Variants in HS6ST3 observed in about 807,000 individuals in gnomAD.
HS6ST3 encodes the protein heparan-sulfate 6-O-sulfotransferase 3.
A neutral mutation model predicts 36.7 loss-of-function variants in HS6ST3; 12 were observed. That is an observed-to-expected ratio of 0.33 (90% CI 0.21 to 0.53). The LOEUF is 0.53. HS6ST3 is among the 20% of genes least tolerant of loss of function. The pLI, the probability that HS6ST3 is intolerant of heterozygous loss-of-function variation, is 0.95. For missense variants in HS6ST3, 584 were observed against 640.9 expected (o/e 0.91, Z 0.96); for synonymous variants, 240 against 257.5 (o/e 0.93, Z 0.65).
chr13:96,567,860 A>G (rs1430715145), intron 1 of HS6ST3, among the ~76,000 whole-genome samples: 1 of 152,218 alleles, frequency 6.6e-6, no homozygotes, highest in Non-Finnish European at 1.5e-5. Flanking sequence ...TGGCCTACAA[A>G]CAGATAAGAA....
At chr13:96,443,186 A>AT (rs201564288) in intron 1 of HS6ST3, among the ~76,000 whole-genome samples, 7 of 151,990 alleles carry the variant, frequency 4.6e-5, no homozygotes, top group South Asian at 4.2e-4. Flanking sequence ...TTGAAAAATG[A>AT]TTTTTTTTGT....
chr13:96,547,619 T>C (rs2056202529), intron 1 of HS6ST3, among the ~76,000 whole-genome samples: 1 of 152,182 alleles, frequency 6.6e-6, no homozygotes, highest in South Asian at 2.1e-4. Context: ...GAATTTGGCT[T>C]AGGTATTTCT....
At chr13:96,434,473 C>A (rs1458527565) in intron 1 of HS6ST3, among the ~76,000 whole-genome samples, 1 of 152,164 alleles carries the variant, frequency 6.6e-6, no homozygotes, top group Non-Finnish European at 1.5e-5. Context: ...CCCTGCAGGC[C>A]CCTTGCCCTT....
At chr13:96,831,517 T>C (rs1878780785) in intron 1 of HS6ST3, among the ~76,000 whole-genome samples, 1 of 152,192 alleles carries the variant, frequency 6.6e-6, no homozygotes, top group Non-Finnish European at 1.5e-5. Flanking sequence ...CAAAGTTGTC[T>C]TGAGGATCAT....
intron 1 of HS6ST3, among the ~76,000 whole-genome samples, chr13:96,542,260 T>G (rs2056181438): frequency 6.6e-6 from 1 of 152,206 alleles, no homozygotes; most frequent in Non-Finnish European, 1.5e-5. Flanking sequence ...AGATAGAGTT[T>G]AGCTTTATTC....
At chr13:96,300,290 C>T (rs997505602) in intron 1 of HS6ST3, among the ~76,000 whole-genome samples, 3 of 151,846 alleles carry the variant, frequency 2.0e-5, no homozygotes, top group Admixed American at 6.6e-5. Flanking sequence ...CTCTTGACCT[C>T]AGGTGATCCA....
chr13:96,226,707 A>G (rs1308634095), intron 1 of HS6ST3, among the ~76,000 whole-genome samples: 1 of 152,200 alleles, frequency 6.6e-6, no homozygotes, highest in Non-Finnish European at 1.5e-5. Context: ...GTTTAAGTAA[A>G]TAAAATGGCA....
intron 1 of HS6ST3, among the ~76,000 whole-genome samples, chr13:96,619,802 G>T (rs1240597756): frequency 1.3e-5 from 2 of 152,178 alleles, no homozygotes; most frequent in Non-Finnish European, 2.9e-5. Context: ...ATATTCTACA[G>T]TAATGGCACA....
At position 96,316,892 on chromosome 13, in the gene HS6ST3, G is replaced by A. The variant is rs183512718; in HGVS notation, c.707+225323G>A. ...TTTTTATTTACTATTTTGTGTTTGC[G>A]TAGAAATGATTTTTGTTTATTCTAT... On this transcript the variant is annotated intron_variant, in intron 1 of 1. Transcript: ENST00000376705. Among the ~76,000 whole-genome samples the A allele has an allele frequency of 1.6e-3, 239 of 152,156 alleles. 1 individual carries two copies. Among genetic ancestry groups the A allele is most frequent in the Non-Finnish European group, 2.2e-3 (147 of 67,990 alleles).
intron 1 of HS6ST3, among the ~76,000 whole-genome samples, chr13:96,631,463 A>G (rs2056531859): frequency 6.6e-6 from 1 of 152,230 alleles, no homozygotes; most frequent in African/African-American, 2.4e-5. Context: ...ACTTTGTCCA[A>G]TAGCTTTCAA....
intron 1 of HS6ST3, among the ~76,000 whole-genome samples, chr13:96,770,074 C>T (rs564410306): frequency 3.4e-4 from 52 of 152,268 alleles, no homozygotes; most frequent in African/African-American, 1.2e-3. Flanking sequence ...GGATAAACAA[C>T]ATTATACCAG....
At chr13:96,103,559 A>G (rs770114984) in intron 1 of HS6ST3, among the ~76,000 whole-genome samples, 7 of 152,312 alleles carry the variant, frequency 4.6e-5, no homozygotes, top group South Asian at 2.1e-4. Context: ...TGTGTGCCCT[A>G]TATCCTGTTT....
intron 1 of HS6ST3, among the ~76,000 whole-genome samples, chr13:96,223,984 C>G (rs184494631): frequency 6.6e-6 from 1 of 151,974 alleles, no homozygotes; most frequent in African/African-American, 2.4e-5. Context: ...CCTCTTCTTC[C>G]TTTCCCTCCC....
chr13:96,651,043 T>C (rs1194485091), intron 1 of HS6ST3, among the ~76,000 whole-genome samples: 1 of 152,082 alleles, frequency 6.6e-6, no homozygotes, highest in African/African-American at 2.4e-5. Flanking sequence ...CCAAATCCTT[T>C]AATACCTCCC....
intron 1 of HS6ST3, among the ~76,000 whole-genome samples, chr13:96,119,223 A>C (rs910027362): frequency 6.6e-6 from 1 of 152,074 alleles, no homozygotes; most frequent in African/African-American, 2.4e-5. Flanking sequence ...AATATAAATT[A>C]ATCTCATAAA....
At chr13:96,827,282 T>C (rs1158717897) in intron 1 of HS6ST3, among the ~76,000 whole-genome samples, 1 of 152,174 alleles carries the variant, frequency 6.6e-6, no homozygotes, top group Non-Finnish European at 1.5e-5. Context: ...ACAGACAGAT[T>C]GAAGGTGGGG....
At chr13:96,166,077 T>A (rs1056171078) in intron 1 of HS6ST3, among the ~76,000 whole-genome samples, 3 of 151,796 alleles carry the variant, frequency 2.0e-5, no homozygotes, top group Non-Finnish European at 4.4e-5. Flanking sequence ...TTTGAGACAG[T>A]CTTGCTGTGT....
At chr13:96,189,161 TTTA>T (rs1170957075) in intron 1 of HS6ST3, among the ~76,000 whole-genome samples, 6 of 152,242 alleles carry the variant, frequency 3.9e-5, no homozygotes, top group Admixed American at 2.0e-4. Context: ...ATTGATTATT[TTTA>T]TTATTATTTT....
At position 96,796,517 on chromosome 13, in the gene HS6ST3, G is replaced by T. The variant is rs1048843298; in HGVS notation, c.708-35973G>T. Among the ~76,000 whole-genome samples, 5 of 152,038 alleles carry T rather than the reference G, an allele frequency of 3.3e-5. No individual in the cohort carries two copies. In the South Asian group the frequency reaches 1.0e-3, roughly 32 times the overall value. On this transcript the variant is annotated intron_variant, in intron 1 of 1. Coordinates refer to ENST00000376705, the MANE Select transcript of HS6ST3 (RefSeq NM_153456.4). ...TTTTTAAAGAAAACTCATATTTTTG[G>T]AATGTCTGTGATGATTGGCTGAGAG... is the stretch of plus-strand genomic sequence containing the variant.
Sources: allele counts gnomAD v4.1 joint callset (sites outside exome capture counted in the v4.1 genomes callset), GRCh38; gene constraint gnomAD v4.1.1; transcripts MANE v1.5; gene names NCBI Gene and HGNC (gene_info 2026-07-23, HGNC 2026-07-21).